Variants in PPP2R2D observed in about 807,000 individuals in gnomAD.
The protein encoded by PPP2R2D is serine/threonine-protein phosphatase 2A 55 kDa regulatory subunit B delta isoform.
PPP2R2D carries 9 observed loss-of-function variants against 31.1 expected under a neutral mutation model. The ratio of observed to expected loss-of-function variants is 0.29; its 90% CI spans 0.17 to 0.51. The LOEUF is 0.51. PPP2R2D is among the 20% of genes least tolerant of loss of function. The probability of loss-of-function intolerance (pLI) is 0.98; values close to 1 mark genes in which losing one functional copy is unlikely to be tolerated. For missense variants in PPP2R2D, 391 were observed against 465.6 expected, an observed-to-expected ratio of 0.84 and a Z score of 1.48; for synonymous variants, 179 against 172.6, an observed-to-expected ratio of 1.04 and a Z score of -0.29.
chr10:131,916,421 G>A (rs1046053590), intron 2 of PPP2R2D, among the ~76,000 whole-genome samples: 2 of 151,264 alleles, frequency 1.3e-5, no homozygotes, highest in Non-Finnish European at 2.9e-5. Flanking sequence ...GTTCATAAGT[G>A]TACAGTTGCG....
At chr10:131,921,406 A>G (rs1554894237) in intron 2 of PPP2R2D, among the ~76,000 whole-genome samples, 3 of 152,134 alleles carry the variant, frequency 2.0e-5, no homozygotes, top group African/African-American at 7.2e-5. Flanking sequence ...TTGCCATTTG[A>G]TGAGGGCTCT....
Position 131,945,467 on chromosome 10 carries a change from C to T in PPP2R2D, c.820+8C>T, listed in dbSNP as rs772281623. 2.8e-5 allele frequency: 44 copies of T among 1,597,408 alleles called. No individual in the cohort carries two copies. The highest frequency in any genetic ancestry group is 8.0e-5 in the African/African-American group (6 of 74,656). ...GCGACAGACACTCCAAGTGTAAGTGCGTCTGTTGTTGAGATGGAGTCTGGC... is the reference window on the plus strand; with the variant it reads ...GCGACAGACACTCCAAGTGTAAGTGTGTCTGTTGTTGAGATGGAGTCTGGC... On this transcript the variant is annotated splice_region_variant and intron_variant, in intron 7 of 8. Transcript: ENST00000455566. The surrounding 1 kb of genome is among the most constrained non-coding windows in gnomAD (Gnocchi z 4.8).
rs782274231 is a variant in PPP2R2D, at chr10:131,953,743, G to A, written c.1083-1941G>A. On this transcript the variant is annotated intron_variant, in intron 8 of 8. Coordinates refer to ENST00000455566, the MANE Select transcript of PPP2R2D (RefSeq NM_018461.5). ...CTGTCTTAGTGACTTGCTGGTGTGC[G>A]GGGGTTCACTGTCTTAGTGACTTGC... 2.4e-4 allele frequency among the ~76,000 whole-genome samples: 22 copies of A among 91,888 alleles called. No individual in the cohort carries two copies. The East Asian group carries it at 4.5e-3, about 19-fold the overall frequency. 60.3% of individuals were successfully genotyped at this position (91,888 alleles called of 152,430 possible).
chr10:131,906,685 C>T (rs878933493), intron 2 of PPP2R2D, among the ~76,000 whole-genome samples: 12,319 of 151,278 alleles, frequency 0.081, 619 homozygotes, highest in South Asian at 0.12. Flanking sequence ...CTTCAGGAGG[C>T]CAAGATGGCA....
rs782168628 is a variant in PPP2R2D at position 131,940,665 on chromosome 10, C to G, written c.448C>G (p.Arg150Gly). 1.3e-6 allele frequency: 1 copy of G among 778,428 alleles called. No homozygotes were observed. Among genetic ancestry groups the G allele is most frequent in the Non-Finnish European group, 2.4e-6 (1 of 416,874 alleles). The allele number at this position is 778,428 out of a possible 1,614,324, so 48.2% of individuals were successfully genotyped here. A position where few individuals can be genotyped will look rare whatever the true frequency, so the allele number is the denominator to read the frequency against. The change falls in exon 5 of 9, where the codon CGA becomes GGA. Residue 150 changes from arginine to glycine, a missense_variant. Physicochemically the swap from Arg to Gly is moderately radical, Grantham distance 125. This residue lies in a region of PPP2R2D where 105 missense variants were observed against 98.5 expected (regional missense o/e 1.07). Transcript: ENST00000455566. ...CCTGAAAGACGAAGATGGAAGACTT[C>G]GAGACCCATTTAGGATCACGGCGCT... ...YNLKDEDGRLRDPFRITALRV... is the reference protein window; with the variant it reads ...YNLKDEDGRLGDPFRITALRV...
At chr10:131,933,475 G>C (rs1015528995) in intron 2 of PPP2R2D, among the ~76,000 whole-genome samples, 1 of 152,196 alleles carries the variant, frequency 6.6e-6, no homozygotes, top group Non-Finnish European at 1.5e-5. Context: ...CGAGCTTGTA[G>C]TGTTCTAGCT....
intron 5 of PPP2R2D, among the ~76,000 whole-genome samples, chr10:131,941,259 A>G (rs1169032969): frequency 6.6e-6 from 1 of 152,220 alleles, no homozygotes; most frequent in Non-Finnish European, 1.5e-5. Context: ...TATTTCATCA[A>G]TTCTGATGCC....
chr10:131,919,233 G>A lies in PPP2R2D; in HGVS notation c.101-15225G>A, dbSNP rs563512404. The stretch of plus-strand genomic sequence containing the variant: ...GAATGACACAGTGTAGGGACCTCAG[G>A]CGGGTGGAATGACAGTGTAGGGACC... On this transcript the variant is annotated intron_variant, in intron 2 of 8. Coordinates refer to ENST00000455566, the MANE Select transcript of PPP2R2D (RefSeq NM_018461.5). 9.7e-4 allele frequency among the ~76,000 whole-genome samples: 119 copies of A among 122,338 alleles called. 18 individuals are homozygous for A. The highest frequency in any genetic ancestry group is 1.6e-3 in the Non-Finnish European group (94 of 58,774). 80.3% of individuals were successfully genotyped at this position (122,338 alleles called of 152,430 possible).
chr10:131,970,351 A>G, the PPP2R2D span: 1 of 478,550 alleles, frequency 2.1e-6, no homozygotes, highest in East Asian at 3.9e-5. The surrounding 1 kb of genome is among the most constrained non-coding windows in gnomAD (Gnocchi z 4.1). Flanking sequence ...CACAGGACAA[A>G]GAGGTCAGAC....
At chr10:131,926,761 T>A (rs1356036850) in intron 2 of PPP2R2D, among the ~76,000 whole-genome samples, 4 of 152,196 alleles carry the variant, frequency 2.6e-5, no homozygotes, top group Admixed American at 6.5e-5. Context: ...ATCGTTTGAG[T>A]CCCTGCAGTA....
downstream of PPP2R2D, among the ~76,000 whole-genome samples, chr10:131,963,484 C>T (rs1554901771): frequency 6.6e-6 from 1 of 152,208 alleles, no homozygotes; most frequent in African/African-American, 2.4e-5. Flanking sequence ...TCCTGTTTCC[C>T]GTTTCTACAC....
chr10:131,920,826 G>A (rs1428955308), intron 2 of PPP2R2D, among the ~76,000 whole-genome samples: 2 of 152,190 alleles, frequency 1.3e-5, no homozygotes, highest in Non-Finnish European at 2.9e-5. Context: ...CTACTCAGGA[G>A]GCTGAGGCAG....
chr10:131,941,975 C>T (rs1202822557), intron 5 of PPP2R2D, among the ~76,000 whole-genome samples: 2 of 152,242 alleles, frequency 1.3e-5, no homozygotes, highest in Non-Finnish European at 2.9e-5. Context: ...ATACACAGTG[C>T]TGCCGCCTTT....
At chr10:131,954,250 T>G (rs1219756645) in intron 8 of PPP2R2D, among the ~76,000 whole-genome samples, 1 of 152,254 alleles carries the variant, frequency 6.6e-6, no homozygotes, top group African/African-American at 2.4e-5. Flanking sequence ...CTGATGTGCT[T>G]TTCGTTATTA....
intron 2 of PPP2R2D, among the ~76,000 whole-genome samples, chr10:131,916,594 C>G (rs1229422419): frequency 2.0e-5 from 3 of 152,084 alleles, no homozygotes; most frequent in Admixed American, 2.0e-4. Flanking sequence ...TCTGAATTTG[C>G]CCAGTCTAGG....
At chr10:131,901,473 G>T in intron 2 of PPP2R2D, 143 bp downstream of exon 2, 1 of 321,424 alleles carries the variant, frequency 3.1e-6, no homozygotes, top group South Asian at 1.5e-4. Context: ...GGCCGAGCTG[G>T]GGGCCGTGAT....
At chr10:131,939,905 T>G (rs1382589574) in intron 3 of PPP2R2D, 126 bp from the exon 4 acceptor site, 5 of 424,060 alleles carry the variant, frequency 1.2e-5, no homozygotes. Flanking sequence ...CATCTGAGAT[T>G]TTTTTGAGCC....
intron 3 of PPP2R2D, among the ~76,000 whole-genome samples, 154 bp downstream of exon 3, chr10:131,934,709 C>CT (rs1447572673): frequency 1.3e-5 from 2 of 152,196 alleles, no homozygotes; most frequent in Non-Finnish European, 2.9e-5. Flanking sequence ...CAGAAATTAT[C>CT]TAAGTTCTGG....
In PPP2R2D at chr10:131,945,741, G is replaced by T; in HGVS notation, c.820+282G>T. Reference sequence around the variant, plus strand: ...GCTGGGATTACAGGTGTGAGTCACCGCACCTGGTCACGCCTGGCGTCTTTT... The same window carrying T: ...GCTGGGATTACAGGTGTGAGTCACCTCACCTGGTCACGCCTGGCGTCTTTT... On this transcript the variant is annotated intron_variant, in intron 7 of 8. Coordinates refer to ENST00000455566, the MANE Select transcript of PPP2R2D (RefSeq NM_018461.5). This position sits in a 1 kb window ranked among gnomAD's most constrained non-coding sequence, Gnocchi z 4.8. 1 of 358,078 alleles carries T rather than the reference G, an allele frequency of 2.8e-6. No individual in the cohort carries two copies. Among genetic ancestry groups the T allele is most frequent in the Non-Finnish European group, 5.1e-6 (1 of 195,946 alleles). 22.2% of individuals were successfully genotyped at this position (358,078 alleles called of 1,614,324 possible).
Sources: gnomAD v4.1 joint callset for allele counts (sites outside exome capture counted in the v4.1 genomes callset) on GRCh38, gnomAD v4.1.1 for gene constraint, gnomAD v4.1.1 regional missense constraint, Gnocchi (gnomAD v3.1) non-coding constraint, MANE v1.5 for transcripts, NCBI Gene and HGNC (gene_info 2026-07-23, HGNC 2026-07-21) for gene names.